The following UGP2 variants were observed in gnomAD, a reference collection of about 807,000 sequenced individuals.
The protein encoded by UGP2 is UTP--glucose-1-phosphate uridylyltransferase.
A neutral mutation model predicts 49.0 loss-of-function variants in UGP2; 40 were observed. The observed-to-expected ratio is 0.82, with a 90% CI of 0.63 to 1.06. The LOEUF (loss-of-function observed/expected upper bound fraction) is 1.06, where lower values mean the gene tolerates loss of function less well. UGP2 is among the 50% of genes least tolerant of loss of function. UGP2 has a pLI of 0.00. For synonymous variants in UGP2, 225 were observed against 213.0 expected, an observed-to-expected ratio of 1.06 and a Z score of -0.49; for missense variants, 460 against 603.5, an observed-to-expected ratio of 0.76 and a Z score of 2.49.
intron 3 of UGP2, among the ~76,000 whole-genome samples, chr2:63,877,221 G>A (rs963058256): frequency 5.9e-5 from 9 of 152,226 alleles, no homozygotes; most frequent in African/African-American, 1.4e-4. Context: ...TTTGGTCAAC[G>A]GAGGTTGTTG....
intron 3 of UGP2, among the ~76,000 whole-genome samples, chr2:63,858,805 A>G (rs1307514880): frequency 6.6e-6 from 1 of 152,020 alleles, no homozygotes; most frequent in Non-Finnish European, 1.5e-5. Flanking sequence ...AAGTAGGTGT[A>G]AATTCAGTCA....
chr2:63,882,215 C>T (rs989885718), intron 3 of UGP2, among the ~76,000 whole-genome samples: 1 of 152,190 alleles, frequency 6.6e-6, no homozygotes, highest in African/African-American at 2.4e-5. Flanking sequence ...ATAGGGCCTA[C>T]AACTTTTTCC....
chr2:63,862,058 T>C (rs755093909), intron 3 of UGP2, among the ~76,000 whole-genome samples: 4 of 152,036 alleles, frequency 2.6e-5, no homozygotes, highest in Non-Finnish European at 5.9e-5. Context: ...AAAAAAATCT[T>C]GAGGCAATCT....
chr2:63,855,239 GGAAA>G (rs1305009727), intron 1 of UGP2, among the ~76,000 whole-genome samples: 1 of 152,088 alleles, frequency 6.6e-6, no homozygotes, highest in Non-Finnish European at 1.5e-5. Flanking sequence ...GTATATAAGG[GGAAA>G]GAGTTTTTAG....
Position 63,887,397 on chromosome 2 carries a change from T to TA in UGP2, c.1072-4dup, listed in dbSNP as rs2104365343. Reference sequence around the variant, plus strand: ...TTTCTATTCCCCACCCCTAATTTCTTACAGACTTTGGATGGAGGCCTGAAT... The same window carrying TA: ...TTTCTATTCCCCACCCCTAATTTCTTAACAGACTTTGGATGGAGGCCTGAAT... On this transcript the variant is annotated splice_region_variant and splice_polypyrimidine_tract_variant and intron_variant, in intron 7 of 9. Transcript: ENST00000337130. 6.2e-7 allele frequency: 1 copy of TA among 1,613,968 alleles called. No individual in the cohort carries two copies. Among genetic ancestry groups the TA allele is most frequent in the Non-Finnish European group, 8.5e-7 (1 of 1,179,944 alleles).
At chr2:63,876,020 A>G (rs967017852) in intron 3 of UGP2, among the ~76,000 whole-genome samples, 7 of 152,140 alleles carry the variant, frequency 4.6e-5, no homozygotes, top group Non-Finnish European at 7.4e-5. Context: ...GTCTTTGTGC[A>G]TTCTCCTGGG....
intron 3 of UGP2, among the ~76,000 whole-genome samples, chr2:63,858,892 C>G (rs943036790): frequency 7.3e-6 from 1 of 136,910 alleles, no homozygotes; most frequent in Non-Finnish European, 1.6e-5. Context: ...CCCCCCGCCC[C>G]CCCGAAACAC....
intron 3 of UGP2, among the ~76,000 whole-genome samples, chr2:63,880,985 C>A (rs141027840): frequency 1.3e-5 from 2 of 152,116 alleles, no homozygotes. Flanking sequence ...GCAGCACTTA[C>A]CAGGAAGATT....
chr2:63,843,462 G>T (rs749986579), intron 1 of UGP2, among the ~76,000 whole-genome samples: 16 of 152,154 alleles, frequency 1.1e-4, no homozygotes, highest in Non-Finnish European at 2.2e-4. Flanking sequence ...CCATAAAGGC[G>T]GTATTTTGCA....
intron 3 of UGP2, among the ~76,000 whole-genome samples, chr2:63,867,909 A>G (rs1670287053): frequency 6.6e-6 from 1 of 152,214 alleles, no homozygotes; most frequent in Admixed American, 6.5e-5. Context: ...CTAATTCTTT[A>G]AACTTCAGGA....
At chr2:63,848,804 A>G (rs1426749865) in intron 1 of UGP2, among the ~76,000 whole-genome samples, 1 of 152,246 alleles carries the variant, frequency 6.6e-6, no homozygotes, top group African/African-American at 2.4e-5. Flanking sequence ...GTGAGAAAAA[A>G]GATAATACTC....
At chr2:63,883,938 T>G (rs1274291728) in intron 4 of UGP2, 22 bp from the exon 5 acceptor site, 1 of 1,590,202 alleles carries the variant, frequency 6.3e-7, no homozygotes, top group African/African-American at 1.4e-5. Context: ...CTGGGTAATC[T>G]AATTGTCATT....
chr2:63,876,458 C>G (rs1025610511), intron 3 of UGP2, among the ~76,000 whole-genome samples: 15 of 152,198 alleles, frequency 9.9e-5, no homozygotes, highest in African/African-American at 3.6e-4. Flanking sequence ...ATCTTGACCA[C>G]TTGAAATATT....
In UGP2 at chr2:63,842,123, C is replaced by T; in HGVS notation, c.-63C>T. On this transcript the variant is annotated 5_prime_UTR_variant, in exon 1 of 10. Transcript: ENST00000337130. ...AAGCAGGAGAGGAAGAGAGACCTGC[C>T]CTGTAGCGTGACTCCTCTAGAAAAA... The T allele has an allele frequency of 6.4e-7, 1 of 1,553,632 alleles. No homozygotes were observed. The highest frequency in any genetic ancestry group is 8.6e-7 in the Non-Finnish European group (1 of 1,158,708).
At position 63,853,125 on chromosome 2, in the gene UGP2, G is replaced by A. The variant is rs925047888; in HGVS notation, c.20-3181G>A. Reference sequence around the variant, plus strand: ...GGAATCTCAGGAGAGGAAAGGAGGAGCCAGTTAGGGAAACTGAGGTGTGGT... The same window carrying A: ...GGAATCTCAGGAGAGGAAAGGAGGAACCAGTTAGGGAAACTGAGGTGTGGT... On this transcript the variant is annotated intron_variant, in intron 1 of 9. Coordinates refer to ENST00000337130, the MANE Select transcript of UGP2 (RefSeq NM_006759.4). Among the ~76,000 whole-genome samples the A allele has an allele frequency of 3.3e-5, 5 of 152,150 alleles. No homozygotes were observed. The East Asian group carries it at 9.7e-4, about 29-fold the overall frequency.
chr2:63,885,959 T>G (rs983812745), intron 6 of UGP2, 73 bp downstream of exon 6: 2 of 1,450,292 alleles, frequency 1.4e-6, no homozygotes, highest in African/African-American at 1.4e-5. Flanking sequence ...AAAGACTTTT[T>G]TATTTGAAAG....
At chr2:63,845,032 A>G (rs1287782404) in intron 1 of UGP2, among the ~76,000 whole-genome samples, 1 of 152,242 alleles carries the variant, frequency 6.6e-6, no homozygotes, top group Non-Finnish European at 1.5e-5. Context: ...TTGTAAGTGG[A>G]CGATACTCTA....
At chr2:63,867,246 G>A (rs1276002093) in intron 3 of UGP2, among the ~76,000 whole-genome samples, 1 of 152,110 alleles carries the variant, frequency 6.6e-6, no homozygotes, top group Non-Finnish European at 1.5e-5. Context: ...TGCCTTCAGT[G>A]TATTTAACAC....
In UGP2 at chr2:63,858,317, A is replaced by C. The variant is rs1007482992; in HGVS notation, c.255+381A>C. On this transcript the variant is annotated intron_variant, in intron 3 of 9. Transcript: ENST00000337130. ...GTCATGGATGCTTAGCCAGACCTTA[A>C]AGCTCTCTTCTTGTATTTTATTGGA... is the stretch of plus-strand genomic sequence containing the variant. 4.3e-4 allele frequency among the ~76,000 whole-genome samples: 65 copies of C among 152,182 alleles called. 1 individual carries two copies. The highest frequency in any genetic ancestry group is 1.0e-4 in the Non-Finnish European group (7 of 68,032).
Sources: gnomAD v4.1 joint callset for allele counts (sites outside exome capture counted in the v4.1 genomes callset) on GRCh38, gnomAD v4.1.1 for gene constraint, MANE v1.5 for transcripts, NCBI Gene and HGNC (gene_info 2026-07-23, HGNC 2026-07-21) for gene names.